The following GIPC1 variants were observed in gnomAD, a reference collection of about 807,000 sequenced individuals.
GIPC1 encodes the protein GIPC PDZ domain containing family member 1, also known as PDZ domain-containing protein GIPC1.
A neutral mutation model predicts 28.5 loss-of-function variants in GIPC1; 15 were observed. The observed-to-expected ratio is 0.53, with a 90% CI of 0.35 to 0.81. The LOEUF (loss-of-function observed/expected upper bound fraction) is 0.81. Among genes scored for constraint, GIPC1 ranks in the 30% least tolerant of loss-of-function variants. The pLI, the probability that GIPC1 is intolerant of heterozygous loss-of-function variation, is 0.01. For missense variants in GIPC1, 439 were observed against 481.9 expected (o/e 0.91, Z 0.83); for synonymous variants, 224 against 206.1 (o/e 1.09, Z -0.74).
chr19:14,480,991 G>C (rs2071717057), intron 4 of GIPC1: 1 of 549,912 alleles, frequency 1.8e-6, no homozygotes, highest in Non-Finnish European at 3.2e-6. Flanking sequence ...CTCTTTTTGA[G>C]ACAGGGTCTT....
Position 14,480,300 on chromosome 19 carries a change from CTCACCGAAG to C in GIPC1, c.651_655+4del. ...ACTGGGGAGGTCCAGGGGGCGGCTC[CTCACCGAAG>C]GCCTTGCGAGGCTCCGTGAGCTTCA... On this transcript the variant is annotated splice_donor_variant and splice_donor_region_variant and coding_sequence_variant and intron_variant, in exon 6 of 9. Coordinates refer to ENST00000393033, the MANE Select transcript of GIPC1 (RefSeq NM_005716.4). LOFTEE classifies it high-confidence loss of function. The C allele has an allele frequency of 6.2e-7, 1 of 1,609,574 alleles. No individual in the cohort carries two copies. The highest frequency in any genetic ancestry group is 1.3e-5 in the African/African-American group (1 of 74,956).
intron 7 of GIPC1, 45 bp downstream of exon 7, chr19:14,479,366 AG>A: frequency 1.2e-6 from 1 of 805,592 alleles, no homozygotes; most frequent in Non-Finnish European, 1.8e-6. Flanking sequence ...AAAAAAAAAA[AG>A]AAAGGGAAGG....
Position 14,478,396 on chromosome 19 carries a change from C to A in GIPC1, c.*20G>T. On this transcript the variant is annotated 3_prime_UTR_variant, in exon 9 of 9. Coordinates refer to ENST00000393033, the MANE Select transcript of GIPC1 (RefSeq NM_005716.4). This position sits in a 1 kb window ranked among gnomAD's most constrained non-coding sequence, Gnocchi z 5.2. ...CACCAGGTTGCGCCCGGGTCATCAT[C>A]GCAGGGTCCGGGGGCAGTCCTAGTA... 6.3e-7 allele frequency: 1 copy of A among 1,588,482 alleles called. No individual in the cohort carries two copies. The highest frequency in any genetic ancestry group is 8.6e-7 in the Non-Finnish European group (1 of 1,166,506).
At chr19:14,492,123 C>T (rs1271548677) in intron 2 of GIPC1, among the ~76,000 whole-genome samples, 3 of 152,046 alleles carry the variant, frequency 2.0e-5, no homozygotes, top group South Asian at 2.1e-4. Context: ...GCCAGCTCTA[C>T]GCACTGGGAG....
intron 3 of GIPC1, chr19:14,489,279 G>T: frequency 2.9e-6 from 2 of 696,302 alleles, no homozygotes; most frequent in South Asian, 3.1e-5. Context: ...CAATCGATTG[G>T]CTAACGAGGT....
rs1368479658 is a variant in GIPC1, at chr19:14,482,982, G to A, written c.-6C>T. The stretch of plus-strand genomic sequence containing the variant: ...CGCCCCAGTCCCAGCGGCATGAGCA[G>A]CGAGAAGTGGGGTCACCAGAAGATC... On this transcript the variant is annotated 5_prime_UTR_variant, in exon 4 of 9. Transcript: ENST00000393033. The A allele has an allele frequency of 2.5e-6, 4 of 1,609,002 alleles. No homozygotes were observed. In the South Asian group the frequency reaches 4.4e-5, roughly 18 times the overall value.
rs780446841 is a variant in GIPC1, at chr19:14,479,528, T to C, written c.656-4A>G. On this transcript the variant is annotated splice_region_variant and splice_polypyrimidine_tract_variant and intron_variant, in intron 6 of 8. Transcript: ENST00000393033. ...GCTGAACGCTGGCTGATCATGTCTGTGGGAGGCAGGAGAGGAGTGAGTGTG... is the reference window on the plus strand; with the variant it reads ...GCTGAACGCTGGCTGATCATGTCTGCGGGAGGCAGGAGAGGAGTGAGTGTG... 7.0e-7 allele frequency: 1 copy of C among 1,420,492 alleles called. No homozygotes were observed. Among genetic ancestry groups the C allele is most frequent in the Admixed American group, 3.5e-5 (1 of 28,638 alleles). 88.0% of individuals were successfully genotyped at this position (1,420,492 alleles called of 1,614,324 possible).
intron 3 of GIPC1, among the ~76,000 whole-genome samples, chr19:14,485,738 G>GAGACAGAGAGAGACAGAC (rs2071829457): frequency 1.4e-5 from 2 of 141,616 alleles, no homozygotes; most frequent in African/African-American, 5.3e-5. Context: ...GAGAGAGAGA[G>GAGACAGAGAGAGACAGAC]AGACAGAGAG....
intron 3 of GIPC1, among the ~76,000 whole-genome samples, 200 bp downstream of exon 3, chr19:14,491,456 T>A (rs554524203): frequency 4.6e-5 from 7 of 151,954 alleles, no homozygotes; most frequent in Non-Finnish European, 1.0e-4. Flanking sequence ...ATGGGGTTTC[T>A]CCATGTTGAC....
Position 14,482,892 on chromosome 19 carries a change from C to T in GIPC1, c.85G>A (p.Val29Met), listed in dbSNP as rs771953641. The change falls in exon 4 of 9, where the codon GTG becomes ATG. Residue 29 changes from valine (V) to methionine (M), a missense_variant. Physicochemically the swap from Val to Met is conservative, Grantham distance 21 (BLOSUM62 1). Coordinates refer to ENST00000393033, the MANE Select transcript of GIPC1 (RefSeq NM_005716.4). ...CCGCCCAGAGGCCCTGGCTCCCCCACGCCCAGCCCTCCACGGCCTGGCTCA... is the reference window on the plus strand; with the variant it reads ...CCGCCCAGAGGCCCTGGCTCCCCCATGCCCAGCCCTCCACGGCCTGGCTCA... ...EAEPGRGGLG[V>M]GEPGPLGGGG... 1.1e-4 allele frequency: 168 copies of T among 1,594,064 alleles called. 1 individual carries two copies. Among genetic ancestry groups the T allele is most frequent in the South Asian group, 3.9e-4 (35 of 89,008 alleles).
At chr19:14,489,311 G>T in intron 3 of GIPC1, 1 of 757,954 alleles carries the variant, frequency 1.3e-6, no homozygotes, top group Non-Finnish European at 2.5e-6. Flanking sequence ...GGCACAAGAT[G>T]CTGGGCCTAC....
chr19:14,488,226 G>A (rs940846598), intron 3 of GIPC1, among the ~76,000 whole-genome samples: 8 of 152,140 alleles, frequency 5.3e-5, no homozygotes, highest in African/African-American at 1.9e-4. Flanking sequence ...TGAGGTTGAC[G>A]GATCACATGA....
At chr19:14,491,804 T>G (rs552011659) in intron 2 of GIPC1, 61 bp from the exon 3 acceptor site, 2 of 152,296 alleles carry the variant, frequency 1.3e-5, no homozygotes, top group Non-Finnish European at 2.9e-5. Flanking sequence ...GGCTCTGACC[T>G]CGCTGGAAAG....
At position 14,478,281 on chromosome 19, in the gene GIPC1, C is replaced by G; in HGVS notation, c.*135G>C. The G allele has an allele frequency of 2.2e-6, 2 of 906,224 alleles. No homozygotes were observed. Among genetic ancestry groups the G allele is most frequent in the South Asian group, 1.7e-5 (1 of 57,974 alleles). The allele number at this position is 906,224 out of a possible 1,614,324, so 56.1% of individuals were successfully genotyped here. On this transcript the variant is annotated 3_prime_UTR_variant, in exon 9 of 9. Coordinates refer to ENST00000393033, the MANE Select transcript of GIPC1 (RefSeq NM_005716.4). The surrounding 1 kb of genome is among the most constrained non-coding windows in gnomAD (Gnocchi z 5.2). ...TTGGAGCGGGGCAGGGGGCCTGGCCCCACCTCCCCTCACCATCGTCCTTGG... is the reference window on the plus strand; with the variant it reads ...TTGGAGCGGGGCAGGGGGCCTGGCCGCACCTCCCCTCACCATCGTCCTTGG...
chr19:14,485,918 C>T (rs947761143), intron 3 of GIPC1, among the ~76,000 whole-genome samples: 4 of 151,720 alleles, frequency 2.6e-5, no homozygotes, highest in African/African-American at 9.7e-5. Context: ...CTACAAGTGC[C>T]CGCCACCATG....
intron 3 of GIPC1, among the ~76,000 whole-genome samples, chr19:14,490,682 A>AG (rs1353107589): frequency 6.6e-6 from 1 of 151,476 alleles, no homozygotes; most frequent in Non-Finnish European, 1.5e-5. Context: ...TGTCTCAAAA[A>AG]GAAAAAAAAG....
chr19:14,479,384 G>C, intron 7 of GIPC1, 28 bp downstream of exon 7: 2 of 918,486 alleles, frequency 2.2e-6, no homozygotes, highest in Non-Finnish European at 3.1e-6. Flanking sequence ...AAGGGATGCC[G>C]GAGATAGGGT....
At position 14,491,025 on chromosome 19, in the gene GIPC1, C is replaced by T. The variant is rs541139753; in HGVS notation, c.-31+631G>A. Among the ~76,000 whole-genome samples the T allele has an allele frequency of 4.8e-5, 7 of 146,018 alleles. No individual in the cohort carries two copies. The South Asian group carries it at 8.7e-4, about 18-fold the overall frequency. The stretch of plus-strand genomic sequence containing the variant: ...AAGAAAGAAAATACATTAGTTAGGC[C>T]GGGTGCAGGGACGGTGGCTCCCGCC... On this transcript the variant is annotated intron_variant, in intron 3 of 8. Transcript: ENST00000393033.
intron 3 of GIPC1, among the ~76,000 whole-genome samples, chr19:14,488,113 T>G (rs563391688): frequency 3.3e-5 from 5 of 152,122 alleles, no homozygotes. Flanking sequence ...ATGCAATGAT[T>G]TGGGGCAAGA....
Sources: gnomAD v4.1 joint callset for allele counts (sites outside exome capture counted in the v4.1 genomes callset) on GRCh38, gnomAD v4.1.1 for gene constraint, Gnocchi (gnomAD v3.1) non-coding constraint, MANE v1.5 for transcripts, NCBI Gene and HGNC (gene_info 2026-07-23, HGNC 2026-07-21) for gene names.